The following DAB1 variants were observed in gnomAD, a reference collection of about 807,000 sequenced individuals.
DAB1 encodes the protein DAB adaptor protein 1.
In DAB1, 15 loss-of-function variants were observed where a neutral mutation model predicts 64.6. That is an observed-to-expected ratio of 0.23 (90% CI 0.16 to 0.36). The LOEUF is 0.36. Ranked by LOEUF, DAB1 falls within the 10% of genes least tolerant of loss-of-function variation. DAB1 has a pLI of 1.00. For synonymous variants in DAB1, 235 were observed against 251.9 expected (o/e 0.93, Z 0.64); for missense variants, 596 against 706.7 (o/e 0.84, Z 1.78).
intron 4 of DAB1, among the ~76,000 whole-genome samples, chr1:58,196,841 C>T (rs1009878409): frequency 6.6e-6 from 1 of 152,126 alleles, no homozygotes; most frequent in Non-Finnish European, 1.5e-5. Context: ...TTACAATTTG[C>T]GATGAGATTT....
intron 7 of DAB1, among the ~76,000 whole-genome samples, chr1:57,502,318 C>CAAAAAA (rs10649147): frequency 2.2e-4 from 21 of 94,056 alleles, no homozygotes; most frequent in South Asian, 4.6e-4. Flanking sequence ...GAGTCCGTCT[C>CAAAAAA]AAAAAAAAAA....
At chr1:57,681,684 G>A (rs1372044751) in intron 6 of DAB1, among the ~76,000 whole-genome samples, 2 of 152,180 alleles carry the variant, frequency 1.3e-5, no homozygotes, top group African/African-American at 4.8e-5. Flanking sequence ...ACTGTCAGTA[G>A]ATAAGACATT....
At chr1:57,581,338 AT>A (rs1645309681) in intron 7 of DAB1, among the ~76,000 whole-genome samples, 2 of 152,200 alleles carry the variant, frequency 1.3e-5, no homozygotes, top group African/African-American at 2.4e-5. Context: ...GTTCTTTAAA[AT>A]TTTTTTAAAA....
intron 5 of DAB1, among the ~76,000 whole-genome samples, chr1:58,065,709 G>A (rs1046718431): frequency 5.9e-5 from 9 of 152,282 alleles, no homozygotes; most frequent in Admixed American, 2.0e-4. Context: ...ATTAGGATGC[G>A]TGGTGATTTT....
intron 1 of DAB1, chr1:58,539,051 G>C (rs1434599985): frequency 2.3e-6 from 2 of 872,864 alleles, no homozygotes; most frequent in Non-Finnish European, 4.0e-6. Flanking sequence ...GTACTTGAGA[G>C]GCCTCCTGTT....
chr1:57,030,864 T>C (rs1646944897), intron 9 of DAB1, among the ~76,000 whole-genome samples: 1 of 152,246 alleles, frequency 6.6e-6, no homozygotes, highest in Non-Finnish European at 1.5e-5. Context: ...AAATGAAGCT[T>C]CTGGGCTTCT....
At chr1:58,449,005 G>A (rs1467195626) in intron 3 of DAB1, among the ~76,000 whole-genome samples, 1 of 152,198 alleles carries the variant, frequency 6.6e-6, no homozygotes, top group African/African-American at 2.4e-5. Flanking sequence ...AAATAGCGTA[G>A]AAGGCAAAAC....
At chr1:58,409,171 T>TAATA (rs145836126) in intron 3 of DAB1, among the ~76,000 whole-genome samples, 24,397 of 152,164 alleles carry the variant, frequency 0.16, 2,335 homozygotes, top group Non-Finnish European at 0.22. Context: ...TTTCAGGTGA[T>TAATA]AAGTGATAAC....
intron 4 of DAB1, among the ~76,000 whole-genome samples, chr1:58,284,843 G>C (rs912126878): frequency 3.9e-5 from 6 of 152,340 alleles, no homozygotes; most frequent in African/African-American, 1.4e-4. Flanking sequence ...ATGAATAAAA[G>C]CAGCAGAGCT....
intron 3 of DAB1, among the ~76,000 whole-genome samples, chr1:57,137,754 A>G (rs1175490462): frequency 6.6e-6 from 1 of 152,160 alleles, no homozygotes; most frequent in Non-Finnish European, 1.5e-5. Flanking sequence ...TTTCCAGGAG[A>G]CAAAAAGTAC....
At chr1:57,116,939 T>A (rs540243909) in intron 4 of DAB1, among the ~76,000 whole-genome samples, 1 of 152,316 alleles carries the variant, frequency 6.6e-6, no homozygotes, top group Admixed American at 6.5e-5. Flanking sequence ...TTATCCTGAA[T>A]AGAGATCTTA....
chr1:58,536,889 A>C, intron 1 of DAB1: 1 of 575,816 alleles, frequency 1.7e-6, no homozygotes. Context: ...CAATTAATAA[A>C]ATTCTTAGCT....
intron 3 of DAB1, among the ~76,000 whole-genome samples, chr1:58,390,897 A>G (rs1273499515): frequency 6.6e-6 from 1 of 152,196 alleles, no homozygotes; most frequent in African/African-American, 2.4e-5. Context: ...GGGAATCACC[A>G]GTGGTAGTTC....
intron 6 of DAB1, among the ~76,000 whole-genome samples, chr1:57,759,095 C>CAGATAGCCTGTATCTTAAGATGTTA (rs752295158): frequency 1.3e-3 from 197 of 152,234 alleles, no homozygotes; most frequent in Non-Finnish European, 2.3e-3. Context: ...CTGTCTTAAG[C>CAGATAGCCTGTATCTTAAGATGTTA]TGTTAAAAGA....
intron 5 of DAB1, among the ~76,000 whole-genome samples, chr1:58,116,133 A>T (rs1652322116): frequency 6.6e-6 from 1 of 152,196 alleles, no homozygotes; most frequent in African/African-American, 2.4e-5. Context: ...TGGAAGTAGA[A>T]GTCTGCTGAA....
intron 7 of DAB1, among the ~76,000 whole-genome samples, chr1:57,452,166 C>CCCCCCT (rs367685387): frequency 1.3e-5 from 1 of 75,012 alleles, no homozygotes; most frequent in African/African-American, 6.0e-5. Flanking sequence ...TGCACCCCCC[C>CCCCCCT]TTTTTTTTTT....
At chr1:57,348,199 G>C (rs1678274460) in intron 1 of DAB1, among the ~76,000 whole-genome samples, 1 of 152,118 alleles carries the variant, frequency 6.6e-6, no homozygotes, top group African/African-American at 2.4e-5. Context: ...CTGAGAGATA[G>C]GAATCCACAG....
intron 4 of DAB1, among the ~76,000 whole-genome samples, chr1:58,205,549 C>T (rs900167127): frequency 6.6e-6 from 1 of 152,194 alleles, no homozygotes; most frequent in African/African-American, 2.4e-5. Context: ...TAAAGTGGAC[C>T]TAAAGTAGGT....
chr1:57,237,145 A>G (rs1254200226), intron 2 of DAB1, among the ~76,000 whole-genome samples: 1 of 152,142 alleles, frequency 6.6e-6, no homozygotes, highest in Non-Finnish European at 1.5e-5. Flanking sequence ...TGTTTCATTT[A>G]GGAGTAATTC....
Sources: allele counts gnomAD v4.1 joint callset (sites outside exome capture counted in the v4.1 genomes callset), GRCh38; gene constraint gnomAD v4.1.1; transcripts MANE v1.5; gene names NCBI Gene and HGNC (gene_info 2026-07-23, HGNC 2026-07-21).